PRDM16: variants seen among roughly 807,000 people sequenced by gnomAD.
The protein encoded by PRDM16 is histone-lysine N-methyltransferase PRDM16.
In PRDM16, 23 loss-of-function variants were observed where a neutral mutation model predicts 110.6. The ratio of observed to expected loss-of-function variants is 0.21; its 90% CI spans 0.15 to 0.29. PRDM16 has a LOEUF of 0.29. Among genes scored for constraint, PRDM16 ranks in the 10% least tolerant of loss-of-function variants. The pLI, the probability that PRDM16 is intolerant of heterozygous loss-of-function variation, is 1.00. For synonymous variants in PRDM16, 799 were observed against 781.8 expected (o/e 1.02, Z -0.37); for missense variants, 1,615 against 1,794.3 (o/e 0.90, Z 1.81).
chr1:3,241,962 CG>C (rs1187665367), intron 2 of PRDM16, among the ~76,000 whole-genome samples: 2 of 152,298 alleles, frequency 1.3e-5, no homozygotes, highest in South Asian at 4.1e-4. Flanking sequence ...GTGGTGTTAA[CG>C]GGGGCTCCTG....
In PRDM16 at chr1:3,418,005, G is replaced by T; in HGVS notation, c.2861+8G>T. On this transcript the variant is annotated splice_region_variant and intron_variant, in intron 11 of 16. Transcript: ENST00000270722. ...GGAGCGATACACGTGCAGGTGAGGG[G>T]CCCTTTGGTGCTGCTGGGACAGCCC... 6.2e-7 allele frequency: 1 copy of T among 1,607,716 alleles called. No homozygotes were observed. Among genetic ancestry groups the T allele is most frequent in the Non-Finnish European group, 8.5e-7 (1 of 1,176,902 alleles).
At chr1:3,159,383 T>C (rs1643881772) in intron 1 of PRDM16, among the ~76,000 whole-genome samples, 1 of 152,214 alleles carries the variant, frequency 6.6e-6, no homozygotes, top group Admixed American at 6.5e-5. Context: ...AAAGACACAG[T>C]ATCAGCAGGC....
chr1:3,229,826 A>C (rs7515701), intron 2 of PRDM16, among the ~76,000 whole-genome samples: 2,439 of 152,300 alleles, frequency 0.016, 67 homozygotes, highest in African/African-American at 0.055. Flanking sequence ...CCCCTGGCCC[A>C]GGCTCCATTC....
chr1:3,357,885 C>T (rs2100552316), intron 3 of PRDM16, among the ~76,000 whole-genome samples: 1 of 152,342 alleles, frequency 6.6e-6, no homozygotes, highest in East Asian at 1.9e-4. Flanking sequence ...CAGGAAGTGA[C>T]CCAGACCCAA....
intron 3 of PRDM16, among the ~76,000 whole-genome samples, chr1:3,349,030 G>A (rs1642421989): frequency 6.6e-6 from 1 of 152,226 alleles, no homozygotes; most frequent in Admixed American, 6.5e-5. Flanking sequence ...GGTGGGGGTG[G>A]GGGCGGGGCC....
chr1:3,283,562 C>T (rs984699056), intron 3 of PRDM16, among the ~76,000 whole-genome samples: 2 of 152,090 alleles, frequency 1.3e-5, no homozygotes, highest in African/African-American at 2.4e-5. Flanking sequence ...GGACGGACAG[C>T]GAAGGGTTAC....
chr1:3,145,255 G>A (rs1287656827), intron 1 of PRDM16, among the ~76,000 whole-genome samples: 1 of 152,174 alleles, frequency 6.6e-6, no homozygotes, highest in African/African-American at 2.4e-5. Context: ...GAGGGTGCAT[G>A]CGGCACGGTG....
rs992374437 is a variant in PRDM16 at position 3,297,879 on chromosome 1, C to T, written c.438+53742C>T. Among the ~76,000 whole-genome samples, 14 of 152,246 alleles carry T rather than the reference C, an allele frequency of 9.2e-5. No homozygotes were observed. The South Asian group carries it at 1.2e-3, about 14-fold the overall frequency. On this transcript the variant is annotated intron_variant, in intron 3 of 16. Transcript: ENST00000270722. ...AGCCCCAAAGGGAGGCACAGCCAGA[C>T]TGTATGGCAAGCTCCGCAGGGGCCA...
intron 1 of PRDM16, among the ~76,000 whole-genome samples, chr1:3,107,272 C>T (rs1642679880): frequency 6.6e-6 from 1 of 152,218 alleles, no homozygotes; most frequent in South Asian, 2.1e-4. Context: ...CTGGTGGATT[C>T]CAGAAGGCTG....
chr1:3,179,991 C>T (rs1475962414), intron 1 of PRDM16, among the ~76,000 whole-genome samples: 2 of 152,110 alleles, frequency 1.3e-5, no homozygotes. Context: ...TGGTGGTCTG[C>T]AGCGCAGAAT....
intron 3 of PRDM16, among the ~76,000 whole-genome samples, chr1:3,272,254 CA>C (rs1640472585): frequency 6.6e-6 from 1 of 152,246 alleles, no homozygotes. Flanking sequence ...GAGAAGGTGG[CA>C]ACAGAGTTGG....
chr1:3,092,398 C>T (rs1020695795), intron 1 of PRDM16, among the ~76,000 whole-genome samples: 2 of 152,222 alleles, frequency 1.3e-5, no homozygotes, highest in African/African-American at 2.4e-5. Flanking sequence ...TTTCCTCACA[C>T]GTGCCCATAC....
intron 1 of PRDM16, among the ~76,000 whole-genome samples, chr1:3,117,915 G>T (rs1642996428): frequency 6.6e-6 from 1 of 152,216 alleles, no homozygotes; most frequent in South Asian, 2.1e-4. Context: ...AAGAGGCAGG[G>T]CTTCCTGGTG....
At chr1:3,355,816 T>C (rs1642584873) in intron 3 of PRDM16, among the ~76,000 whole-genome samples, 1 of 152,198 alleles carries the variant, frequency 6.6e-6, no homozygotes, top group South Asian at 2.1e-4. Flanking sequence ...TACACAAGGC[T>C]GCTGGCTCAG....
At chr1:3,169,472 G>C (rs1165228142) in intron 1 of PRDM16, among the ~76,000 whole-genome samples, 32 of 152,082 alleles carry the variant, frequency 2.1e-4, no homozygotes, top group Non-Finnish European at 3.7e-4. Flanking sequence ...TGGGGTTTGA[G>C]CCCCACCCCT....
At chr1:3,166,292 G>A (rs1053193417) in intron 1 of PRDM16, among the ~76,000 whole-genome samples, 5 of 152,280 alleles carry the variant, frequency 3.3e-5, no homozygotes, top group African/African-American at 7.2e-5. Context: ...GGTGGTGGGC[G>A]TTCTGCGGAG....
chr1:3,212,130 G>A (rs1376806163), intron 2 of PRDM16, among the ~76,000 whole-genome samples: 6 of 152,196 alleles, frequency 3.9e-5, no homozygotes, highest in Non-Finnish European at 2.9e-5. Flanking sequence ...TCAGGGCTGC[G>A]GAAGGACTGC....
intron 5 of PRDM16, among the ~76,000 whole-genome samples, chr1:3,398,202 ATTTC>A (rs1643415427): frequency 6.6e-6 from 1 of 152,122 alleles, no homozygotes; most frequent in African/African-American, 2.4e-5. Flanking sequence ...GTACGATGAA[ATTTC>A]TTTCTTCCAA....
rs988322491 is a variant in PRDM16 at position 3,359,896 on chromosome 1, G to A, written c.439-25256G>A. On this transcript the variant is annotated intron_variant, in intron 3 of 16. Coordinates refer to ENST00000270722, the MANE Select transcript of PRDM16 (RefSeq NM_022114.4). This position sits in a 1 kb window ranked among gnomAD's most constrained non-coding sequence, Gnocchi z 4.3. ...CCATGTGCAGGATCTCTTGGAAGACGGATGCCGTGTGCACGCAAAGACGGC... is the reference window on the plus strand; with the variant it reads ...CCATGTGCAGGATCTCTTGGAAGACAGATGCCGTGTGCACGCAAAGACGGC... Among the ~76,000 whole-genome samples the A allele has an allele frequency of 1.3e-5, 2 of 152,222 alleles. No homozygotes were observed. Among genetic ancestry groups the A allele is most frequent in the Admixed American group, 6.5e-5 (1 of 15,290 alleles).
Sources: gnomAD v4.1 joint callset for allele counts (sites outside exome capture counted in the v4.1 genomes callset) on GRCh38, gnomAD v4.1.1 for gene constraint, Gnocchi (gnomAD v3.1) non-coding constraint, MANE v1.5 for transcripts, NCBI Gene and HGNC (gene_info 2026-07-23, HGNC 2026-07-21) for gene names.